The following SPMIP7 variants were observed in gnomAD, a reference collection of about 807,000 sequenced individuals.
SPMIP7 encodes sperm microtubule inner protein 7.
At chr7:50,137,168 T>C in the SPMIP7 span, among the ~76,000 whole-genome samples, 2 of 152,148 alleles carry the variant, frequency 1.3e-5, no homozygotes, top group Non-Finnish European at 2.9e-5. Flanking sequence ...CTTTATATTT[T>C]TGTTCATATG....
the SPMIP7 span, among the ~76,000 whole-genome samples, chr7:50,130,207 A>G: frequency 1.3e-5 from 2 of 152,136 alleles, no homozygotes; most frequent in African/African-American, 2.4e-5. Context: ...ATAAAGGTGT[A>G]TTGATCTCTT....
At chr7:50,097,661 ATAAG>A in the SPMIP7 span, among the ~76,000 whole-genome samples, 1 of 143,580 alleles carries the variant, frequency 7.0e-6, no homozygotes. Context: ...TCATAAGATA[ATAAG>A]TAAGGGTCAT....
chr7:50,098,466 A>G, the SPMIP7 span, among the ~76,000 whole-genome samples: 1 of 152,156 alleles, frequency 6.6e-6, no homozygotes, highest in African/African-American at 2.4e-5. Context: ...ATCAATATTG[A>G]TACCACTTTG....
chr7:50,096,429 G>A, the SPMIP7 span: 1 of 1,551,698 alleles, frequency 6.4e-7, no homozygotes, highest in Non-Finnish European at 8.7e-7. Flanking sequence ...AGTCCTGGTG[G>A]TGATGCTGAT....
At chr7:50,140,129 CT>C in the SPMIP7 span, 1 of 1,489,232 alleles carries the variant, frequency 6.7e-7, no homozygotes, top group South Asian at 1.3e-5. Context: ...CCTCTCTTCT[CT>C]TTTTTGAAGT....
At chr7:50,133,869 C>A in the SPMIP7 span, among the ~76,000 whole-genome samples, 1 of 152,022 alleles carries the variant, frequency 6.6e-6, no homozygotes, top group Non-Finnish European at 1.5e-5. Flanking sequence ...AATTAGGGAC[C>A]TTTACTACAT....
the SPMIP7 span, among the ~76,000 whole-genome samples, chr7:50,127,573 T>C: frequency 6.6e-6 from 1 of 150,444 alleles, no homozygotes; most frequent in Non-Finnish European, 1.5e-5. Flanking sequence ...ATGTATGTCT[T>C]ATTTTTATGT....
chr7:50,157,388 G>A, the SPMIP7 span, among the ~76,000 whole-genome samples: 1 of 152,156 alleles, frequency 6.6e-6, no homozygotes, highest in Admixed American at 6.5e-5. Context: ...GGGGAATACA[G>A]GCGCAAGTGT....
the SPMIP7 span, chr7:50,096,153 C>T: frequency 6.5e-7 from 1 of 1,549,076 alleles, no homozygotes. Context: ...CTTTCAGGAA[C>T]TGTTGAGAAT....
the SPMIP7 span, among the ~76,000 whole-genome samples, chr7:50,130,830 C>G: frequency 2.6e-5 from 4 of 151,976 alleles, no homozygotes; most frequent in Non-Finnish European, 4.4e-5. Flanking sequence ...AGCAAAAGCC[C>G]AGGTCAGAAG....
At chr7:50,106,416 A>G in the SPMIP7 span, among the ~76,000 whole-genome samples, 2 of 152,214 alleles carry the variant, frequency 1.3e-5, no homozygotes, top group African/African-American at 4.8e-5. Context: ...GGTCAATAGT[A>G]AAAAGCACTT....
At chr7:50,100,326 A>G in the SPMIP7 span, among the ~76,000 whole-genome samples, 1 of 152,202 alleles carries the variant, frequency 6.6e-6, no homozygotes, top group Non-Finnish European at 1.5e-5. Flanking sequence ...TCAAATCTCC[A>G]TATCAGCTTC....
chr7:50,127,828 G>A, the SPMIP7 span, among the ~76,000 whole-genome samples: 1 of 151,814 alleles, frequency 6.6e-6, no homozygotes, highest in Admixed American at 6.6e-5. Context: ...TGCTGGTGAG[G>A]ATATGGAGGA....
the SPMIP7 span, chr7:50,151,428 C>T: frequency 6.7e-7 from 1 of 1,481,930 alleles, no homozygotes; most frequent in South Asian, 1.3e-5. Context: ...TCTTTTCCTC[C>T]TCTCTTAACT....
At chr7:50,115,619 A>C in the SPMIP7 span, among the ~76,000 whole-genome samples, 1 of 152,218 alleles carries the variant, frequency 6.6e-6, no homozygotes, top group African/African-American at 2.4e-5. Context: ...GCCTGGTAAA[A>C]AATAAAAACA....
chr7:50,116,234 G>A, the SPMIP7 span, among the ~76,000 whole-genome samples: 2 of 152,074 alleles, frequency 1.3e-5, no homozygotes, highest in Non-Finnish European at 2.9e-5. Context: ...TCCTGCCTCA[G>A]CCCCCCAGGT....
At chr7:50,141,171 T>C in the SPMIP7 span, 1 of 654,314 alleles carries the variant, frequency 1.5e-6, no homozygotes. Context: ...TTTGAGCCTT[T>C]GATCTACTTT....
At chr7:50,111,428 C>T in the SPMIP7 span, among the ~76,000 whole-genome samples, 1 of 152,068 alleles carries the variant, frequency 6.6e-6, no homozygotes, top group African/African-American at 2.4e-5. Flanking sequence ...GCCAATGCCA[C>T]CCTAATCTTA....
the SPMIP7 span, among the ~76,000 whole-genome samples, chr7:50,139,334 A>T: frequency 2.0e-5 from 3 of 149,278 alleles, no homozygotes; most frequent in African/African-American, 5.0e-5. Context: ...AGGTGACTAG[A>T]GCGAGGCACC....
Sources: gnomAD v4.1 joint callset for allele counts (sites outside exome capture counted in the v4.1 genomes callset) on GRCh38, gnomAD v4.1.1 for gene constraint, MANE v1.5 for transcripts, NCBI Gene and HGNC (gene_info 2026-07-23, HGNC 2026-07-21) for gene names.